The following CRYL1 variants were observed in gnomAD, a reference collection of about 807,000 sequenced individuals.
CRYL1 encodes lambda-crystallin homolog.
A neutral mutation model predicts 36.6 loss-of-function variants in CRYL1; 29 were observed. The ratio of observed to expected loss-of-function variants is 0.79; its 90% CI spans 0.59 to 1.08. The LOEUF (loss-of-function observed/expected upper bound fraction) is 1.08, where lower values mean the gene tolerates loss of function less well. Among genes scored for constraint, CRYL1 ranks in the 50% least tolerant of loss-of-function variants. The pLI, the probability that CRYL1 is intolerant of heterozygous loss-of-function variation, is 0.00. For missense variants in CRYL1, 411 were observed against 407.9 expected, an observed-to-expected ratio of 1.01 and a Z score of -0.06; for synonymous variants, 152 against 151.5, an observed-to-expected ratio of 1.00 and a Z score of -0.02.
At chr13:20,456,656 A>AACAC (rs35160798) in intron 3 of CRYL1, among the ~76,000 whole-genome samples, 54,001 of 142,528 alleles carry the variant, frequency 0.38, 10,627 homozygotes, top group South Asian at 0.5. Context: ...CGATTCTTAA[A>AACAC]ACACACACAC....
intron 2 of CRYL1, among the ~76,000 whole-genome samples, chr13:20,493,359 G>A (rs560886793): frequency 6.6e-4 from 100 of 152,270 alleles, no homozygotes; most frequent in South Asian, 3.1e-3. Flanking sequence ...GCGACAGGGC[G>A]GTCAGAAATG....
chr13:20,506,014 ACT>A (rs892435181), intron 2 of CRYL1, among the ~76,000 whole-genome samples: 1 of 151,998 alleles, frequency 6.6e-6, no homozygotes, highest in Non-Finnish European at 1.5e-5. Flanking sequence ...TTTACCTTGG[ACT>A]CTCTGTGCGG....
chr13:20,508,046 G>T (rs1334263081), intron 2 of CRYL1, among the ~76,000 whole-genome samples: 1 of 150,900 alleles, frequency 6.6e-6, no homozygotes, highest in Non-Finnish European at 1.5e-5. Context: ...TGGCCAATAT[G>T]GCGAAACCCT....
intron 3 of CRYL1, among the ~76,000 whole-genome samples, chr13:20,456,680 C>CT (rs1238478917): frequency 3.3e-5 from 5 of 150,760 alleles, no homozygotes; most frequent in African/African-American, 1.2e-4. Flanking sequence ...CACACACACC[C>CT]CAGAATGCCC....
At chr13:20,492,438 T>G (rs1255709593) in intron 2 of CRYL1, among the ~76,000 whole-genome samples, 1 of 152,158 alleles carries the variant, frequency 6.6e-6, no homozygotes, top group Non-Finnish European at 1.5e-5. Context: ...AAACCCCAAG[T>G]AGACTAACAT....
At position 20,413,379 on chromosome 13, in the gene CRYL1, G is replaced by A. The variant is rs758743245; in HGVS notation, c.642C>T (p.Ile214=). ...CAAGGTCCAGGTCACTAGGAGACAC[G>A]ATTCCTTCCTACGTGGAGAAATTGG... The part of the protein sequence containing the change: ...SEAWRLVEEG[I]VSPSDLDLVM... The change falls in exon 6 of 8, where the codon ATC becomes ATT. Residue 214 remains isoleucine, a synonymous_variant. Coordinates refer to ENST00000298248, the MANE Select transcript of CRYL1 (RefSeq NM_015974.3). 8 of 1,609,084 alleles carry A rather than the reference G, an allele frequency of 5.0e-6. No individual in the cohort carries two copies. The highest frequency in any genetic ancestry group is 1.7e-5 in the Admixed American group (1 of 59,464).
At chr13:20,468,553 C>T (rs2032989163) in intron 3 of CRYL1, among the ~76,000 whole-genome samples, 1 of 152,232 alleles carries the variant, frequency 6.6e-6, no homozygotes, top group African/African-American at 2.4e-5. Context: ...AAGCCAGCTT[C>T]GAAGCCTTCT....
intron 3 of CRYL1, among the ~76,000 whole-genome samples, chr13:20,452,306 A>C (rs561764574): frequency 6.6e-6 from 1 of 152,122 alleles, no homozygotes; most frequent in South Asian, 2.1e-4. Flanking sequence ...ATCTACTTTA[A>C]ATGTATGGAC....
chr13:20,445,006 G>A (rs1311267051), intron 3 of CRYL1, among the ~76,000 whole-genome samples: 1 of 152,178 alleles, frequency 6.6e-6, no homozygotes, highest in African/African-American at 2.4e-5. Flanking sequence ...GAGTGAGCCT[G>A]TAACAAATCC....
At chr13:20,495,008 C>T (rs1297787866) in intron 2 of CRYL1, among the ~76,000 whole-genome samples, 2 of 152,250 alleles carry the variant, frequency 1.3e-5, no homozygotes, top group Non-Finnish European at 2.9e-5. Context: ...TGCGGAGGAG[C>T]TTCCGACATC....
chr13:20,424,150 T>A (rs1260867490), intron 5 of CRYL1, among the ~76,000 whole-genome samples: 2 of 152,148 alleles, frequency 1.3e-5, no homozygotes, highest in African/African-American at 4.8e-5. Context: ...ATCACCTCTC[T>A]CATTGCTTCT....
At chr13:20,510,506 A>G (rs1024053762) in intron 2 of CRYL1, among the ~76,000 whole-genome samples, 2 of 152,208 alleles carry the variant, frequency 1.3e-5, no homozygotes, top group Non-Finnish European at 1.5e-5. Flanking sequence ...AGGGATGGAA[A>G]GGAAGAATTT....
chr13:20,432,601 C>T (rs1226866982), intron 4 of CRYL1, among the ~76,000 whole-genome samples: 1 of 152,174 alleles, frequency 6.6e-6, no homozygotes, highest in East Asian at 1.9e-4. Flanking sequence ...CTCCCCAGGA[C>T]AGAGTTTCTC....
chr13:20,411,973 T>C (rs1194683701), intron 6 of CRYL1, among the ~76,000 whole-genome samples: 1 of 152,166 alleles, frequency 6.6e-6, no homozygotes, highest in East Asian at 1.9e-4. Flanking sequence ...ACTGTGAAAA[T>C]TGACTGAACT....
intron 2 of CRYL1, among the ~76,000 whole-genome samples, chr13:20,498,016 C>A (rs1354333403): frequency 6.6e-6 from 1 of 151,584 alleles, no homozygotes; most frequent in Non-Finnish European, 1.5e-5. Context: ...TGCTTTTGGT[C>A]ACAGTTCTGT....
intron 3 of CRYL1, among the ~76,000 whole-genome samples, chr13:20,473,636 G>T (rs1015015554): frequency 1.3e-5 from 2 of 152,246 alleles, no homozygotes; most frequent in African/African-American, 2.4e-5. Context: ...AACATGGTGT[G>T]CTTCACGAAA....
At chr13:20,487,039 C>A (rs910841923) in intron 3 of CRYL1, among the ~76,000 whole-genome samples, 7 of 152,048 alleles carry the variant, frequency 4.6e-5, no homozygotes, top group African/African-American at 1.7e-4. Context: ...TTATAAAAAA[C>A]AATATACTCT....
At chr13:20,507,397 C>T (rs1184732788) in intron 2 of CRYL1, among the ~76,000 whole-genome samples, 1 of 152,174 alleles carries the variant, frequency 6.6e-6, no homozygotes, top group Non-Finnish European at 1.5e-5. Flanking sequence ...ACCATATGAC[C>T]CACAAAGCCT....
At chr13:20,409,643 G>A (rs1158195751) in intron 6 of CRYL1, among the ~76,000 whole-genome samples, 10 of 151,846 alleles carry the variant, frequency 6.6e-5, no homozygotes, top group African/African-American at 2.4e-4. Flanking sequence ...TCTGACAAAG[G>A]GCTAATATCC....
Sources: allele counts gnomAD v4.1 joint callset (sites outside exome capture counted in the v4.1 genomes callset), GRCh38; gene constraint gnomAD v4.1.1; transcripts MANE v1.5; gene names NCBI Gene and HGNC (gene_info 2026-07-23, HGNC 2026-07-21).